Variants in DTD1 observed in about 807,000 individuals in gnomAD.
DTD1 encodes D-tyrosyl-tRNA deacylase 1 homolog.
In DTD1, 13 loss-of-function variants were observed where a neutral mutation model predicts 25.6. The ratio of observed to expected loss-of-function variants is 0.51; its 90% confidence interval spans 0.33 to 0.81. DTD1 has a LOEUF of 0.81. Ranked by LOEUF, DTD1 falls within the 30% of genes least tolerant of loss-of-function variation. The pLI, the probability that DTD1 is intolerant of heterozygous loss-of-function variation, is 0.02. For synonymous variants in DTD1, 110 were observed against 103.6 expected (o/e 1.06, Z -0.37); for missense variants, 193 against 266.4 (o/e 0.72, Z 1.92).
chr20:18,687,593 C>T (rs983276496), intron 4 of DTD1, among the ~76,000 whole-genome samples: 1 of 151,756 alleles, frequency 6.6e-6, no homozygotes, highest in Admixed American at 6.6e-5. Flanking sequence ...AGGTTTCTGT[C>T]ACCCAGGCTG....
At chr20:18,610,709 A>T (rs2064851) in intron 3 of DTD1, among the ~76,000 whole-genome samples, 2 of 151,958 alleles carry the variant, frequency 1.3e-5, no homozygotes, top group Non-Finnish European at 2.9e-5. Context: ...CAGGAGTTTA[A>T]GACCAGCCTG....
At chr20:18,646,268 C>T (rs2060850037) in intron 4 of DTD1, among the ~76,000 whole-genome samples, 1 of 152,146 alleles carries the variant, frequency 6.6e-6, no homozygotes, top group Admixed American at 6.5e-5. Flanking sequence ...GAAGAATGTC[C>T]TCATGGGTTT....
chr20:18,741,545 C>T (rs995716704), intron 4 of DTD1, among the ~76,000 whole-genome samples: 1 of 152,138 alleles, frequency 6.6e-6, no homozygotes, highest in Non-Finnish European at 1.5e-5. Flanking sequence ...CCTCTTTCCC[C>T]TCCATGTTAA....
intron 3 of DTD1, among the ~76,000 whole-genome samples, chr20:18,609,108 G>A (rs1366030720): frequency 6.6e-6 from 1 of 151,644 alleles, no homozygotes; most frequent in Non-Finnish European, 1.5e-5. Context: ...TGCAGTATCT[G>A]TTGCTCTAGT....
intron 3 of DTD1, among the ~76,000 whole-genome samples, chr20:18,623,422 AGT>A (rs1249797636): frequency 6.6e-6 from 1 of 151,234 alleles, no homozygotes; most frequent in East Asian, 1.9e-4. Context: ...CACTTTAATG[AGT>A]GTGTGATTTA....
intron 4 of DTD1, among the ~76,000 whole-genome samples, chr20:18,680,904 G>A (rs1325192647): frequency 6.6e-6 from 1 of 152,160 alleles, no homozygotes; most frequent in African/African-American, 2.4e-5. Flanking sequence ...ACAATTTTAT[G>A]AACCATAAAA....
chr20:18,750,415 A>T (rs2061317615), intron 5 of DTD1, among the ~76,000 whole-genome samples: 1 of 152,184 alleles, frequency 6.6e-6, no homozygotes. Context: ...GCTTTTCTTT[A>T]AATACAGAAA....
At chr20:18,622,286 A>G (rs2060737696) in intron 3 of DTD1, among the ~76,000 whole-genome samples, 1 of 151,718 alleles carries the variant, frequency 6.6e-6, no homozygotes, top group Admixed American at 6.6e-5. Flanking sequence ...CCCTGTGTCC[A>G]TGTGTTCTCA....
chr20:18,759,658 G>A (rs1313889233), intron 5 of DTD1, among the ~76,000 whole-genome samples: 1 of 152,176 alleles, frequency 6.6e-6, no homozygotes, highest in Non-Finnish European at 1.5e-5. Flanking sequence ...CTCTCTGGCT[G>A]CCCTTAACAT....
In DTD1 at chr20:18,595,998, C is replaced by T. The variant is rs372659945; in HGVS notation, c.135-8C>T. 43 of 1,612,876 alleles carry T rather than the reference C, an allele frequency of 2.7e-5. No individual in the cohort carries two copies. In the Middle Eastern group the frequency reaches 1.2e-3, roughly 43 times the overall value. Reference sequence around the variant, plus strand: ...TCAGGTAGCTCTCACTGCTCTTTTTCCCCTTAGGGTCCGAAAGATTCTAAA... The same window carrying T: ...TCAGGTAGCTCTCACTGCTCTTTTTTCCCTTAGGGTCCGAAAGATTCTAAA... On this transcript the variant is annotated splice_polypyrimidine_tract_variant and splice_region_variant and intron_variant, in intron 2 of 5. Transcript: ENST00000377452.
chr20:18,621,553 A>G (rs1487259577), intron 3 of DTD1, among the ~76,000 whole-genome samples: 2 of 151,808 alleles, frequency 1.3e-5, no homozygotes, highest in East Asian at 3.9e-4. Context: ...TGCTTAATCA[A>G]TCCATCTTTT....
intron 3 of DTD1, among the ~76,000 whole-genome samples, chr20:18,601,664 A>G (rs1233391099): frequency 2.6e-5 from 4 of 151,804 alleles, no homozygotes; most frequent in Non-Finnish European, 5.9e-5. Context: ...GCAGGGGCAC[A>G]CTGACACCTC....
chr20:18,599,773 G>T (rs2060625995), intron 3 of DTD1, among the ~76,000 whole-genome samples: 1 of 152,044 alleles, frequency 6.6e-6, no homozygotes, highest in African/African-American at 2.4e-5. Context: ...CATATGATAT[G>T]GAACATTTTT....
chr20:18,625,589 T>G (rs1472739207), intron 3 of DTD1, among the ~76,000 whole-genome samples: 1 of 152,216 alleles, frequency 6.6e-6, no homozygotes, highest in Non-Finnish European at 1.5e-5. Context: ...CCAAAGGCTC[T>G]AGGCACAATC....
chr20:18,596,015 G>A lies in DTD1; in HGVS notation c.144G>A (p.Lys48=). 6.2e-7 allele frequency: 1 copy of A among 1,614,080 alleles called. No homozygotes were observed. Among genetic ancestry groups the A allele is most frequent in the Non-Finnish European group, 8.5e-7 (1 of 1,179,962 alleles). The change falls in exon 3 of 6, where the codon AAG becomes AAA. Residue 48 remains lysine (K), a synonymous_variant. Transcript: ENST00000377452. The part of the protein sequence containing the change: ...TQKELEHMVR[K]ILNLRVFEDE... ...CTCTTTTTCCCCTTAGGGTCCGAAA[G>A]ATTCTAAACCTGCGTGTATTTGAGG...
chr20:18,669,158 CA>C (rs11479549), intron 4 of DTD1, among the ~76,000 whole-genome samples: 49,484 of 152,030 alleles, frequency 0.33, 8,433 homozygotes, highest in Non-Finnish European at 0.38. Context: ...ACATGGGGAC[CA>C]GGGGGTAGTG....
At chr20:18,737,982 G>C (rs1369583237) in intron 4 of DTD1, among the ~76,000 whole-genome samples, 1 of 152,204 alleles carries the variant, frequency 6.6e-6, no homozygotes, top group Non-Finnish European at 1.5e-5. Context: ...GCACCCCCAG[G>C]TTCCTCTGCT....
At chr20:18,708,223 A>C in intron 4 of DTD1, among the ~76,000 whole-genome samples, 1 of 6,604 alleles carries the variant, frequency 1.5e-4, no homozygotes, top group Admixed American at 3.6e-3. Context: ...TATATAATAT[A>C]TATATATTTT....
chr20:18,690,302 T>G (rs1320099239), intron 4 of DTD1, among the ~76,000 whole-genome samples: 2 of 152,200 alleles, frequency 1.3e-5, no homozygotes. Flanking sequence ...GGTTATCTGT[T>G]TACTCTATGG....
Sources: gnomAD v4.1 joint callset for allele counts (sites outside exome capture counted in the v4.1 genomes callset) on GRCh38, gnomAD v4.1.1 for gene constraint, MANE v1.5 for transcripts, NCBI Gene and HGNC (gene_info 2026-07-23, HGNC 2026-07-21) for gene names.